Variants in TTBK2 observed in about 807,000 individuals in gnomAD.
TTBK2 encodes tau tubulin kinase 2.
Under a neutral mutation model 110.8 loss-of-function variants are expected in TTBK2, and 28 were observed. The ratio of observed to expected loss-of-function variants is 0.25; its 90% confidence interval spans 0.19 to 0.35. The LOEUF (loss-of-function observed/expected upper bound fraction) is 0.35, where lower values mean the gene tolerates loss of function less well. Among genes scored for constraint, TTBK2 ranks in the 10% least tolerant of loss-of-function variants. The pLI, the probability that TTBK2 is intolerant of heterozygous loss-of-function variation, is 1.00. For synonymous variants in TTBK2, 532 were observed against 527.3 expected (o/e 1.01, Z -0.12); for missense variants, 1,369 against 1,500.3 (o/e 0.91, Z 1.45).
At chr15:42,906,728 C>T (rs1413189604) in intron 1 of TTBK2, among the ~76,000 whole-genome samples, 2 of 152,116 alleles carry the variant, frequency 1.3e-5, no homozygotes, top group Admixed American at 1.3e-4. Flanking sequence ...AAACAATCAA[C>T]GAAGTAGACA....
At chr15:42,853,637 A>G (rs929281341) in intron 3 of TTBK2, among the ~76,000 whole-genome samples, 3 of 152,220 alleles carry the variant, frequency 2.0e-5, no homozygotes, top group Non-Finnish European at 2.9e-5. Context: ...TAACATGGAA[A>G]AGAAGGGCCA....
chr15:42,875,179 T>C (rs560885850), intron 2 of TTBK2, among the ~76,000 whole-genome samples: 2 of 152,234 alleles, frequency 1.3e-5, no homozygotes, highest in East Asian at 3.9e-4. Flanking sequence ...GAAGTAAATG[T>C]TCTTGCTTCT....
chr15:42,803,715 G>A (rs1026246174), intron 9 of TTBK2, among the ~76,000 whole-genome samples: 1 of 152,138 alleles, frequency 6.6e-6, no homozygotes, highest in African/African-American at 2.4e-5. Flanking sequence ...AACATAGAAG[G>A]TAATGCTGAG....
intron 13 of TTBK2, among the ~76,000 whole-genome samples, chr15:42,774,744 A>G (rs1450720959): frequency 1.3e-5 from 2 of 152,226 alleles, no homozygotes; most frequent in Non-Finnish European, 2.9e-5. Context: ...AGGCCTCCCA[A>G]CAGTGTACAG....
At chr15:42,837,871 T>C (rs996576092) in intron 4 of TTBK2, among the ~76,000 whole-genome samples, 2 of 151,992 alleles carry the variant, frequency 1.3e-5, no homozygotes, top group Non-Finnish European at 2.9e-5. Flanking sequence ...TAGGCCAGGA[T>C]CTATGTCTCT....
Position 42,795,195 on chromosome 15 carries a change from C to T in TTBK2, c.823-394G>A, listed in dbSNP as rs542853335. 4.0e-5 allele frequency among the ~76,000 whole-genome samples: 6 copies of T among 151,186 alleles called. No homozygotes were observed. The South Asian group carries it at 1.3e-3, about 32-fold the overall frequency. On this transcript the variant is annotated intron_variant, in intron 9 of 14. Transcript: ENST00000267890. ...TATATGTTTCAACCTAAAAAAGTAG[C>T]CAGTGTTAACATGTAACGTGTCTAG...
intron 13 of TTBK2, among the ~76,000 whole-genome samples, chr15:42,774,165 G>A (rs1203480503): frequency 6.6e-6 from 1 of 152,120 alleles, no homozygotes; most frequent in African/African-American, 2.4e-5. Context: ...CACTTGATGT[G>A]GAATTGTGTT....
chr15:42,804,262 T>A (rs532718768), intron 9 of TTBK2, among the ~76,000 whole-genome samples: 6 of 152,068 alleles, frequency 3.9e-5, no homozygotes, highest in Admixed American at 2.6e-4. Flanking sequence ...CTGACCAACA[T>A]GGTGAAACCC....
At chr15:42,845,107 G>A (rs1893392918) in intron 3 of TTBK2, among the ~76,000 whole-genome samples, 1 of 152,158 alleles carries the variant, frequency 6.6e-6, no homozygotes, top group African/African-American at 2.4e-5. Context: ...GATTTTACAA[G>A]TTTTTGAGAA....
intron 13 of TTBK2, among the ~76,000 whole-genome samples, chr15:42,773,862 G>C (rs1889784501): frequency 6.6e-6 from 1 of 152,166 alleles, no homozygotes; most frequent in Non-Finnish European, 1.5e-5. Context: ...TGATAGCTTT[G>C]TACAATTTGG....
At chr15:42,839,925 T>C (rs1893152591) in intron 4 of TTBK2, among the ~76,000 whole-genome samples, 2 of 152,192 alleles carry the variant, frequency 1.3e-5, no homozygotes, top group African/African-American at 4.8e-5. Context: ...GGTCCCTAGA[T>C]CTTGGATTTT....
intron 12 of TTBK2, among the ~76,000 whole-genome samples, chr15:42,776,440 A>G (rs1297156085): frequency 6.6e-6 from 1 of 152,228 alleles, no homozygotes; most frequent in Non-Finnish European, 1.5e-5. Flanking sequence ...CCTCAAAACC[A>G]TGCACTACAA....
chr15:42,757,533 A>C (rs2140634645), intron 13 of TTBK2, among the ~76,000 whole-genome samples: 1 of 152,330 alleles, frequency 6.6e-6, no homozygotes, highest in Admixed American at 6.5e-5. Flanking sequence ...TGTACTACAC[A>C]CTCTCAAAGT....
Position 42,746,141 on chromosome 15 carries a change from C to G in TTBK2, c.3389G>C (p.Ser1130Thr). The change falls in exon 15 of 15, where the codon AGT (serine) becomes ACT (threonine). Residue 1130 changes from serine (S) to threonine (T), a missense_variant. By Grantham distance (58) the Ser-to-Thr change is moderately conservative. Transcript: ENST00000267890. ...QKPRSTTQCK[S>T]PGSPHNPKTP... ...TTTTGGATTGTGAGGAGATCCTGGA[C>G]TCTTGCACTGAGTAGTGCTCCGGGG... is the stretch of plus-strand genomic sequence containing the variant. 3 of 1,614,092 alleles carry G rather than the reference C, an allele frequency of 1.9e-6. No homozygotes were observed. Among genetic ancestry groups the G allele is most frequent in the Non-Finnish European group, 2.5e-6 (3 of 1,180,020 alleles).
intron 9 of TTBK2, among the ~76,000 whole-genome samples, chr15:42,799,183 C>T (rs879198882): frequency 3.3e-5 from 5 of 152,046 alleles, no homozygotes; most frequent in Admixed American, 1.3e-4. Flanking sequence ...TCCTCACTAA[C>T]GTGGTGAAAC....
intron 11 of TTBK2, among the ~76,000 whole-genome samples, chr15:42,778,304 A>AC (rs397808432): frequency 6.6e-6 from 1 of 151,362 alleles, no homozygotes; most frequent in Non-Finnish European, 1.5e-5. Flanking sequence ...AAAAAAAAAA[A>AC]CAAAAAAGGT....
chr15:42,754,389 A>AT (rs2140612172), intron 13 of TTBK2, among the ~76,000 whole-genome samples: 1 of 151,148 alleles, frequency 6.6e-6, no homozygotes, highest in Non-Finnish European at 1.5e-5. Flanking sequence ...CCAATTTTTT[A>AT]TTTTATTTTA....
intron 6 of TTBK2, among the ~76,000 whole-genome samples, chr15:42,817,615 C>T (rs1026617671): frequency 1.3e-5 from 2 of 152,126 alleles, no homozygotes; most frequent in Non-Finnish European, 2.9e-5. Flanking sequence ...TTCAAGTTAT[C>T]GGATGCTTAG....
Position 42,801,455 on chromosome 15 carries a change from T to A in TTBK2, c.823-6654A>T, listed in dbSNP as rs114026629. On this transcript the variant is annotated intron_variant, in intron 9 of 14. Coordinates refer to ENST00000267890, the MANE Select transcript of TTBK2 (RefSeq NM_173500.4). ...CCTCTGGCCTTTGAGACCCTCAGTC[T>A]CAGCTTGGAGCCAGCTGATGTTCCG... is the stretch of plus-strand genomic sequence containing the variant. 843 of 827,326 alleles carry A rather than the reference T, an allele frequency of 1.0e-3. 5 individuals are homozygous for A. The African/African-American group carries it at 0.013, about 13-fold the overall frequency. 51.2% of individuals were successfully genotyped at this position (827,326 alleles called of 1,614,324 possible).
Sources: gnomAD v4.1 joint callset for allele counts (sites outside exome capture counted in the v4.1 genomes callset) on GRCh38, gnomAD v4.1.1 for gene constraint, MANE v1.5 for transcripts, NCBI Gene and HGNC (gene_info 2026-07-23, HGNC 2026-07-21) for gene names.